The following COG6 variants were observed in gnomAD, a reference collection of about 807,000 sequenced individuals.
The protein encoded by COG6 is conserved oligomeric Golgi complex subunit 6.
A neutral mutation model predicts 88.8 loss-of-function variants in COG6; 74 were observed. The observed-to-expected ratio is 0.83, with a 90% CI of 0.69 to 1.01. COG6 has a LOEUF of 1.01. COG6 is among the 50% of genes least tolerant of loss of function. The pLI is 0.00. For missense variants in COG6, 800 were observed against 797.9 expected (o/e 1.00, Z -0.03); for synonymous variants, 286 against 278.7 (o/e 1.03, Z -0.26).
chr13:39,695,155 A>G (rs951880080), intron 12 of COG6, among the ~76,000 whole-genome samples: 3 of 151,710 alleles, frequency 2.0e-5, no homozygotes, highest in Admixed American at 6.6e-5. Flanking sequence ...TGTACTCACA[A>G]TAGGGCATAG....
chr13:39,753,758 C>T (rs7998641), downstream of COG6, among the ~76,000 whole-genome samples: 63,193 of 151,872 alleles, frequency 0.42, 13,515 homozygotes, highest in Admixed American at 0.57. Context: ...CAACTGGCCT[C>T]TCTGTAGGAT....
intron 4 of COG6, among the ~76,000 whole-genome samples, chr13:39,665,508 A>G (rs998641999): frequency 6.6e-6 from 1 of 152,088 alleles, no homozygotes; most frequent in African/African-American, 2.4e-5. Flanking sequence ...TTAAGCTATG[A>G]TATATCCTCT....
rs374332364 is a variant in COG6, at chr13:39,687,470, C to T, written c.789-33C>T. 5.6e-6 allele frequency: 9 copies of T among 1,604,108 alleles called. No individual in the cohort carries two copies. In the African/African-American group the frequency reaches 1.1e-4, roughly 19 times the overall value. On this transcript the variant is annotated intron_variant, in intron 8 of 18. Coordinates refer to ENST00000455146, the MANE Select transcript of COG6 (RefSeq NM_020751.3). ...TCTGATATAGCCACTAGAAACAACC[C>T]CAACCATTTTTTATATAACTTGTTT...
intron 18 of COG6, among the ~76,000 whole-genome samples, chr13:39,773,007 A>C (rs970150160): frequency 6.6e-6 from 1 of 152,210 alleles, no homozygotes; most frequent in African/African-American, 2.4e-5. Flanking sequence ...TCAAACTGAC[A>C]AGGTAGACCT....
chr13:39,708,884 T>C (rs1309358076), intron 13 of COG6, among the ~76,000 whole-genome samples: 15 of 152,168 alleles, frequency 9.9e-5, no homozygotes, highest in Non-Finnish European at 2.9e-5. Context: ...ACCAGTAGTG[T>C]AGTTGCAGGT....
At chr13:39,755,490 A>G (rs1880803586), downstream of COG6, among the ~76,000 whole-genome samples, 1 of 152,220 alleles carries the variant, frequency 6.6e-6, no homozygotes, top group Non-Finnish European at 1.5e-5. Flanking sequence ...ACATGAAGCA[A>G]TGGGTAAAAG....
At chr13:39,687,400 A>T in intron 8 of COG6, 103 bp from the exon 9 acceptor site, 2 of 1,026,654 alleles carry the variant, frequency 1.9e-6, no homozygotes, top group Non-Finnish European at 3.1e-6. Flanking sequence ...AAGGAGCTTT[A>T]AGTGCTTTTT....
chr13:39,673,701 C>A (rs1875786758), intron 4 of COG6, among the ~76,000 whole-genome samples: 1 of 151,788 alleles, frequency 6.6e-6, no homozygotes, highest in Non-Finnish European at 1.5e-5. Context: ...TAATATAAAT[C>A]TATTGTATAA....
intron 15 of COG6, among the ~76,000 whole-genome samples, chr13:39,720,402 G>A (rs77283991): frequency 0.066 from 10,087 of 151,726 alleles, 399 homozygotes; most frequent in Non-Finnish European, 0.094. Flanking sequence ...TTGGATTCCA[G>A]TTTTAAGCAG....
intron 15 of COG6, among the ~76,000 whole-genome samples, chr13:39,721,738 C>T (rs1878860598): frequency 6.6e-6 from 1 of 152,020 alleles, no homozygotes; most frequent in South Asian, 2.1e-4. Flanking sequence ...GATTTTAGGA[C>T]CTTTACTACC....
At chr13:39,764,339 T>C (rs1881106649) in intron 18 of COG6, among the ~76,000 whole-genome samples, 1 of 150,774 alleles carries the variant, frequency 6.6e-6, no homozygotes, top group South Asian at 2.1e-4. Flanking sequence ...TTTTTTTTTA[T>C]TGTATATTTG....
chr13:39,737,159 C>T (rs1241728412), intron 18 of COG6, among the ~76,000 whole-genome samples: 10 of 151,792 alleles, frequency 6.6e-5, no homozygotes, highest in Non-Finnish European at 1.2e-4. Flanking sequence ...CTTACTTTCC[C>T]CCAGGCAAAT....
At chr13:39,674,648 A>C (rs1297696631) in intron 4 of COG6, among the ~76,000 whole-genome samples, 1 of 152,180 alleles carries the variant, frequency 6.6e-6, no homozygotes, top group Non-Finnish European at 1.5e-5. Context: ...GCAGTCTGAA[A>C]GTAATAAATG....
At chr13:39,747,485 G>A (rs115396869) in intron 18 of COG6, among the ~76,000 whole-genome samples, 1,993 of 151,942 alleles carry the variant, frequency 0.013, 47 homozygotes, top group African/African-American at 0.046. Flanking sequence ...TTTTTATCCA[G>A]CGGCTTTGCT....
At chr13:39,670,759 A>G (rs1320089317) in intron 4 of COG6, among the ~76,000 whole-genome samples, 1 of 152,042 alleles carries the variant, frequency 6.6e-6, no homozygotes, top group African/African-American at 2.4e-5. Flanking sequence ...CTTAATTGCA[A>G]TAGCTTTCCT....
chr13:39,697,196 T>TA (rs1877324115), intron 12 of COG6, among the ~76,000 whole-genome samples: 1 of 151,620 alleles, frequency 6.6e-6, no homozygotes, highest in Admixed American at 6.6e-5. Flanking sequence ...GGGCTGAAGC[T>TA]AAAAATGTCT....
At chr13:39,723,198 C>G in intron 15 of COG6, 135 bp from the exon 16 acceptor site, 2 of 652,308 alleles carry the variant, frequency 3.1e-6, no homozygotes, top group East Asian at 2.8e-5. Context: ...GAAAGACTTA[C>G]TGTTTGGGGG....
chr13:39,705,876 CATT>C (rs769853156), intron 13 of COG6, among the ~76,000 whole-genome samples: 78 of 152,072 alleles, frequency 5.1e-4, no homozygotes, highest in Non-Finnish European at 8.2e-4. Flanking sequence ...TTCATGTGCT[CATT>C]ATAGTTTGAG....
Position 39,751,058 on chromosome 13 carries a change from C to CG in COG6, c.1940dup (p.Ser648IlefsTer22). The CG allele has an allele frequency of 6.2e-7, 1 of 1,613,626 alleles. No individual in the cohort carries two copies. Among genetic ancestry groups the CG allele is most frequent in the Non-Finnish European group, 8.5e-7 (1 of 1,179,778 alleles). ...CAAAGATCCAGAGAACATTCTTCAC[C>CG]GATCGCCGCAGCAAGTGCAGACGCT... On this transcript the variant is annotated frameshift_variant, in exon 19 of 19. Coordinates refer to ENST00000455146, the MANE Select transcript of COG6 (RefSeq NM_020751.3). LOFTEE classifies it high-confidence loss of function.
Sources: allele counts gnomAD v4.1 joint callset (sites outside exome capture counted in the v4.1 genomes callset), GRCh38; gene constraint gnomAD v4.1.1; transcripts MANE v1.5; gene names NCBI Gene and HGNC (gene_info 2026-07-23, HGNC 2026-07-21).